The following NMNAT2 variants were observed in gnomAD, a reference collection of about 807,000 sequenced individuals.
NMNAT2 encodes the protein nicotinamide nucleotide adenylyltransferase 2.
In NMNAT2, 11 loss-of-function variants were observed where a neutral mutation model predicts 41.6. That is an observed-to-expected ratio of 0.26 (90% CI 0.17 to 0.44). The LOEUF (loss-of-function observed/expected upper bound fraction) is 0.44, where lower values mean the gene tolerates loss of function less well. Ranked by LOEUF, NMNAT2 falls within the 20% of genes least tolerant of loss-of-function variation. NMNAT2 has a pLI of 1.00. For missense variants in NMNAT2, 288 were observed against 407.7 expected (o/e 0.71, Z 2.53); for synonymous variants, 148 against 151.2 (o/e 0.98, Z 0.16).
At chr1:183,270,012 T>C (rs1477462863) in intron 8 of NMNAT2, among the ~76,000 whole-genome samples, 1 of 152,160 alleles carries the variant, frequency 6.6e-6, no homozygotes, top group South Asian at 2.1e-4. Context: ...GCCTCCCAAG[T>C]AGCTGGGACT....
At chr1:183,414,937 TA>T (rs1272515236) in intron 1 of NMNAT2, among the ~76,000 whole-genome samples, 1 of 151,664 alleles carries the variant, frequency 6.6e-6, no homozygotes, top group African/African-American at 2.4e-5. Context: ...GTCTGTTTTT[TA>T]AAAAAAAATT....
intron 5 of NMNAT2, among the ~76,000 whole-genome samples, chr1:183,286,081 AT>A (rs948776843): frequency 6.6e-6 from 1 of 151,982 alleles, no homozygotes; most frequent in Admixed American, 6.6e-5. Context: ...AAATTTATGT[AT>A]TTTTTTGAGA....
chr1:183,417,260 C>A (rs1456557981), intron 1 of NMNAT2, among the ~76,000 whole-genome samples: 1 of 152,128 alleles, frequency 6.6e-6, no homozygotes, highest in Non-Finnish European at 1.5e-5. Context: ...ACCAGCCAGC[C>A]GGATGCCCCC....
chr1:183,272,809 C>G (rs1410629695), intron 8 of NMNAT2, among the ~76,000 whole-genome samples: 1 of 152,232 alleles, frequency 6.6e-6, no homozygotes, highest in Non-Finnish European at 1.5e-5. Context: ...CCATTTGAAC[C>G]AGTGGCATCC....
intron 1 of NMNAT2, among the ~76,000 whole-genome samples, chr1:183,352,181 C>T (rs561471686): frequency 1.3e-5 from 2 of 152,242 alleles, no homozygotes; most frequent in Non-Finnish European, 1.5e-5. Context: ...GCTTCAAAAT[C>T]GTTCACCTCC....
intron 1 of NMNAT2, among the ~76,000 whole-genome samples, chr1:183,351,313 T>G (rs767737607): frequency 6.6e-6 from 1 of 152,208 alleles, no homozygotes; most frequent in Non-Finnish European, 1.5e-5. Flanking sequence ...CCCCTTACAA[T>G]TCTTCATATG....
chr1:183,367,987 T>A (rs1474217295), intron 1 of NMNAT2, among the ~76,000 whole-genome samples: 1 of 152,122 alleles, frequency 6.6e-6, no homozygotes, highest in South Asian at 2.1e-4. Flanking sequence ...AGAGCAAGCA[T>A]CTAGAAACTT....
intron 1 of NMNAT2, among the ~76,000 whole-genome samples, chr1:183,368,820 C>T (rs886488065): frequency 1.3e-5 from 2 of 152,202 alleles, no homozygotes; most frequent in African/African-American, 4.8e-5. Flanking sequence ...TTTGTTCTTG[C>T]TTAATCATCA....
At chr1:183,405,533 G>A in intron 1 of NMNAT2, among the ~76,000 whole-genome samples, 1 of 152,196 alleles carries the variant, frequency 6.6e-6, no homozygotes, top group East Asian at 1.9e-4. Context: ...CATCATTGCA[G>A]GGAACAAGGT....
At chr1:183,322,621 C>T (rs1373209496) in intron 1 of NMNAT2, among the ~76,000 whole-genome samples, 1 of 152,186 alleles carries the variant, frequency 6.6e-6, no homozygotes, top group African/African-American at 2.4e-5. Flanking sequence ...AGCGGCAGCT[C>T]TCAGGGGATC....
intron 1 of NMNAT2, among the ~76,000 whole-genome samples, chr1:183,374,061 G>A (rs183073702): frequency 1.1e-4 from 17 of 152,290 alleles, no homozygotes; most frequent in African/African-American, 4.1e-4. Flanking sequence ...AATAACTCAG[G>A]TGTTGTTGTC....
At chr1:183,348,675 G>A (rs1662983806) in intron 1 of NMNAT2, among the ~76,000 whole-genome samples, 1 of 152,130 alleles carries the variant, frequency 6.6e-6, no homozygotes, top group Admixed American at 6.5e-5. Flanking sequence ...ATTTCAAGTA[G>A]GATCCCTTTG....
chr1:183,394,981 C>T (rs1407073906), intron 1 of NMNAT2, among the ~76,000 whole-genome samples: 2 of 152,118 alleles, frequency 1.3e-5, no homozygotes, highest in African/African-American at 2.4e-5. Context: ...TGGCAGTTAC[C>T]CACCCTTCTT....
intron 1 of NMNAT2, among the ~76,000 whole-genome samples, chr1:183,352,024 C>G (rs1557886750): frequency 6.6e-6 from 1 of 152,138 alleles, no homozygotes; most frequent in Non-Finnish European, 1.5e-5. Context: ...CCCAAGGGAA[C>G]AGACATATCA....
At chr1:183,264,873 G>GCTACTCCTT (rs1260883685) in intron 8 of NMNAT2, among the ~76,000 whole-genome samples, 1 of 152,002 alleles carries the variant, frequency 6.6e-6, no homozygotes, top group Non-Finnish European at 1.5e-5. Flanking sequence ...CTGGCTGCTG[G>GCTACTCCTT]CTACTCCTTT....
intron 2 of NMNAT2, among the ~76,000 whole-genome samples, chr1:183,293,440 C>T (rs1432486243): frequency 6.6e-6 from 1 of 152,256 alleles, no homozygotes; most frequent in Non-Finnish European, 1.5e-5. Flanking sequence ...TGTTTCTGCT[C>T]CTCTTTCAGT....
At chr1:183,311,347 T>C (rs1354691337) in intron 1 of NMNAT2, among the ~76,000 whole-genome samples, 1 of 152,186 alleles carries the variant, frequency 6.6e-6, no homozygotes, top group Non-Finnish European at 1.5e-5. Flanking sequence ...ACTGGTTCTT[T>C]ATGAAAAACT....
chr1:183,366,934 T>C (rs1299288531), intron 1 of NMNAT2, among the ~76,000 whole-genome samples: 1 of 152,204 alleles, frequency 6.6e-6, no homozygotes, highest in Admixed American at 6.5e-5. Context: ...GGGGTATCTT[T>C]ATCTAAGCAC....
At chr1:183,410,737 C>CTT (rs34552298) in intron 1 of NMNAT2, among the ~76,000 whole-genome samples, 1 of 141,110 alleles carries the variant, frequency 7.1e-6, no homozygotes, top group African/African-American at 2.5e-5. Flanking sequence ...TTCTCTCTCT[C>CTT]TTTTTTTTAA....
Sources: allele counts gnomAD v4.1 joint callset (sites outside exome capture counted in the v4.1 genomes callset), GRCh38; gene constraint gnomAD v4.1.1; transcripts MANE v1.5; gene names NCBI Gene and HGNC (gene_info 2026-07-23, HGNC 2026-07-21).